The following MPHOSPH9 variants were observed in gnomAD, a reference collection of about 807,000 sequenced individuals.
MPHOSPH9 encodes M-phase phosphoprotein 9.
In MPHOSPH9, 88 loss-of-function variants were observed where a neutral mutation model predicts 145.5. That is an observed-to-expected ratio of 0.60 (90% CI 0.51 to 0.72). The LOEUF (loss-of-function observed/expected upper bound fraction) is 0.72. Ranked by LOEUF, MPHOSPH9 falls within the 30% of genes least tolerant of loss-of-function variation. The pLI is 0.00. For missense variants in MPHOSPH9, 1,238 were observed against 1,386.6 expected (o/e 0.89, Z 1.70); for synonymous variants, 435 against 486.2 (o/e 0.89, Z 1.39).
intron 8 of MPHOSPH9, among the ~76,000 whole-genome samples, chr12:123,206,395 G>A (rs1465817686): frequency 2.0e-5 from 3 of 151,952 alleles, no homozygotes; most frequent in Non-Finnish European, 4.4e-5. Flanking sequence ...CCAGGAGGTT[G>A]AGTCTGCAGT....
rs2047202404 is a variant in MPHOSPH9, at chr12:123,221,593, C to T, written c.651G>A (p.Glu217=). 6.2e-7 allele frequency: 1 copy of T among 1,614,168 alleles called. No individual in the cohort carries two copies. Among genetic ancestry groups the T allele is most frequent in the Non-Finnish European group, 8.5e-7 (1 of 1,180,008 alleles). The change falls in exon 5 of 24, where the codon GAG becomes GAA. Residue 217 remains glutamate (E), a synonymous_variant. Coordinates refer to ENST00000606320, the MANE Select transcript of MPHOSPH9 (RefSeq NM_022782.4). Reference sequence around the variant, plus strand: ...TGGGAACATCTATGTGCTCCATGAACTCCTTAGGGTCTTTAGATTTGTACA... The same window carrying T: ...TGGGAACATCTATGTGCTCCATGAATTCCTTAGGGTCTTTAGATTTGTACA... The part of the protein sequence containing the change: ...LNLYKSKDPK[E]FMEHIDVPKG...
At chr12:123,169,589 G>T (rs1456940113) in intron 16 of MPHOSPH9, among the ~76,000 whole-genome samples, 1 of 151,460 alleles carries the variant, frequency 6.6e-6, no homozygotes, top group Non-Finnish European at 1.5e-5. Flanking sequence ...TTTAATAAAT[G>T]CTAAGATCTT....
At chr12:123,199,377 T>C (rs1053150979) in intron 11 of MPHOSPH9, among the ~76,000 whole-genome samples, 3 of 152,190 alleles carry the variant, frequency 2.0e-5, no homozygotes, top group African/African-American at 7.2e-5. Flanking sequence ...CCATCTTGAC[T>C]CGGTGTTTAA....
At chr12:123,168,508 A>AT (rs904162757) in intron 16 of MPHOSPH9, among the ~76,000 whole-genome samples, 16 of 151,310 alleles carry the variant, frequency 1.1e-4, no homozygotes, top group African/African-American at 3.6e-4. Context: ...CGCCCGGCTA[A>AT]TTTTTTTGTA....
rs780733440 is a variant in MPHOSPH9, at chr12:123,161,159, C to A, written c.3358G>T (p.Glu1120Ter). 3.1e-6 allele frequency: 5 copies of A among 1,613,842 alleles called. No individual in the cohort carries two copies. ...ACCTGGTCCTTTTCTTTTGTAAGTTCATCAAAAAATCGTTCTGTTTCAGCT... is the reference window on the plus strand; with the variant it reads ...ACCTGGTCCTTTTCTTTTGTAAGTTAATCAAAAAATCGTTCTGTTTCAGCT... ...TLAETERFFD[E>*]LTKEKDQIEA... Residue 1120 changes from glutamate (E) to a stop codon, truncating the protein, a stop_gained, in exon 22 of 24, where the codon GAA becomes TAA. Transcript: ENST00000606320. LOFTEE classifies it high-confidence loss of function.
chr12:123,223,233 C>A, intron 3 of MPHOSPH9, 106 bp from the exon 4 acceptor site: 1 of 629,376 alleles, frequency 1.6e-6, no homozygotes, highest in Non-Finnish European at 2.4e-6. Context: ...TGATCCATCC[C>A]AAATCCCAAG....
intron 15 of MPHOSPH9, among the ~76,000 whole-genome samples, chr12:123,177,407 C>A (rs1293629259): frequency 6.6e-6 from 1 of 151,790 alleles, no homozygotes; most frequent in African/African-American, 2.4e-5. Context: ...TGGTGGCATG[C>A]GCCTGTAATC....
intron 3 of MPHOSPH9, among the ~76,000 whole-genome samples, chr12:123,225,915 G>A (rs2047420484): frequency 6.6e-6 from 1 of 152,110 alleles, no homozygotes; most frequent in Non-Finnish European, 1.5e-5. Flanking sequence ...GCTCGCCTGT[G>A]ATCTCAGCTA....
In MPHOSPH9 at chr12:123,159,767, A is replaced by G. The variant is rs189068114; in HGVS notation, c.3450+1014T>C. 1.3e-5 allele frequency: 2 copies of G among 152,358 alleles called. No individual in the cohort carries two copies. The highest frequency in any genetic ancestry group is 4.8e-5 in the African/African-American group (2 of 41,586). 9.4% of individuals were successfully genotyped at this position (152,358 alleles called of 1,614,324 possible). A position where few individuals can be genotyped will look rare whatever the true frequency, so the allele number is the denominator to read the frequency against. On this transcript the variant is annotated intron_variant, in intron 23 of 23. Transcript: ENST00000606320. This position sits in a 1 kb window ranked among gnomAD's most constrained non-coding sequence, Gnocchi z 4.3. ...AAGCAACCCAAATTTCTACTAAAAC[A>G]TTCTTGGTTAAATACGTTACTGCTG... is the stretch of plus-strand genomic sequence containing the variant.
At chr12:123,232,251 G>A (rs575960377) in intron 1 of MPHOSPH9, among the ~76,000 whole-genome samples, 1 of 152,064 alleles carries the variant, frequency 6.6e-6, no homozygotes, top group African/African-American at 2.4e-5. Context: ...ATCCGGATCC[G>A]GATGCAGATC....
At chr12:123,157,503 AG>A (rs2043920845) in intron 23 of MPHOSPH9, among the ~76,000 whole-genome samples, 1 of 152,186 alleles carries the variant, frequency 6.6e-6, no homozygotes, top group Admixed American at 6.5e-5. Flanking sequence ...TTGTTGAGAC[AG>A]GGTCTTGCTC....
At chr12:123,192,802 T>TA (rs1425094416) in intron 13 of MPHOSPH9, among the ~76,000 whole-genome samples, 14 of 151,886 alleles carry the variant, frequency 9.2e-5, no homozygotes, top group African/African-American at 3.4e-4. Flanking sequence ...TTTTACAAAT[T>TA]ACTAAAAGAA....
In MPHOSPH9 at chr12:123,205,477, C is replaced by T. The variant is rs560741689; in HGVS notation, c.1195-2102G>A. On this transcript the variant is annotated intron_variant, in intron 8 of 23. Coordinates refer to ENST00000606320, the MANE Select transcript of MPHOSPH9 (RefSeq NM_022782.4). ...AGGAGAACTGCTTGAACCCAGGAGGCGGAGGATGCAGTGAGCTGAGATCGC... is the reference window on the plus strand; with the variant it reads ...AGGAGAACTGCTTGAACCCAGGAGGTGGAGGATGCAGTGAGCTGAGATCGC... 5.3e-5 allele frequency among the ~76,000 whole-genome samples: 8 copies of T among 151,978 alleles called. No homozygotes were observed. The South Asian group carries it at 1.2e-3, about 24-fold the overall frequency.
intron 3 of MPHOSPH9, among the ~76,000 whole-genome samples, chr12:123,225,905 G>A (rs143023790): frequency 7.2e-5 from 11 of 152,232 alleles, no homozygotes; most frequent in Admixed American, 2.6e-4. Flanking sequence ...GCATGGTGGC[G>A]CTCGCCTGTG....
At chr12:123,190,914 G>A (rs1358306767) in intron 13 of MPHOSPH9, among the ~76,000 whole-genome samples, 1 of 152,120 alleles carries the variant, frequency 6.6e-6, no homozygotes, top group Non-Finnish European at 1.5e-5. Context: ...CAAAGTCAGT[G>A]TATCACTGTC....
intron 16 of MPHOSPH9, among the ~76,000 whole-genome samples, chr12:123,170,314 T>C (rs1228735269): frequency 6.6e-6 from 1 of 152,074 alleles, no homozygotes; most frequent in Non-Finnish European, 1.5e-5. Context: ...GGCTAATTTT[T>C]TTGTATTTTT....
At chr12:123,214,605 C>T in intron 7 of MPHOSPH9, 139 bp downstream of exon 7, 1 of 650,996 alleles carries the variant, frequency 1.5e-6, no homozygotes, top group East Asian at 2.8e-5. Flanking sequence ...ATTTACAAAA[C>T]CATACTACTA....
rs761826757 is a variant in MPHOSPH9, at chr12:123,166,783, T to C, written c.2463A>G (p.Leu821=). The C allele has an allele frequency of 3.1e-6, 5 of 1,612,638 alleles. No homozygotes were observed. The highest frequency in any genetic ancestry group is 3.4e-6 in the Non-Finnish European group (4 of 1,179,710). The change falls in exon 17 of 24, where the codon CTA becomes CTG. Residue 821 remains leucine, a synonymous_variant. Transcript: ENST00000606320. ...IHVRPSRANT[L]ATSDVSRRKW... ...TCCGCCTGCTGACGTCTGAAGTTGCTAGTGTGCTATTAGAATGAAAACGGT... is the reference window on the plus strand; with the variant it reads ...TCCGCCTGCTGACGTCTGAAGTTGCCAGTGTGCTATTAGAATGAAAACGGT...
intron 13 of MPHOSPH9, among the ~76,000 whole-genome samples, chr12:123,185,858 A>T (rs761997987): frequency 1.3e-5 from 2 of 152,218 alleles, no homozygotes; most frequent in Non-Finnish European, 1.5e-5. Context: ...CAACATTTGA[A>T]TATAGACAGA....
Sources: allele counts gnomAD v4.1 joint callset (sites outside exome capture counted in the v4.1 genomes callset), GRCh38; gene constraint gnomAD v4.1.1; non-coding constraint Gnocchi (gnomAD v3.1); transcripts MANE v1.5; gene names NCBI Gene and HGNC (gene_info 2026-07-23, HGNC 2026-07-21).